Variants in SNED1 observed in about 807,000 individuals in gnomAD.
SNED1 encodes sushi, nidogen and EGF-like domain-containing protein 1.
A neutral mutation model predicts 166.7 loss-of-function variants in SNED1; 81 were observed. That is an observed-to-expected ratio of 0.49 (90% CI 0.41 to 0.58). The LOEUF (loss-of-function observed/expected upper bound fraction) is 0.58, where lower values mean the gene tolerates loss of function less well. Ranked by LOEUF, SNED1 falls within the 20% of genes least tolerant of loss-of-function variation. The pLI, the probability that SNED1 is intolerant of heterozygous loss-of-function variation, is 0.00. For synonymous variants in SNED1, 762 were observed against 822.0 expected, an observed-to-expected ratio of 0.93 and a Z score of 1.25; for missense variants, 1,604 against 2,000.2, an observed-to-expected ratio of 0.80 and a Z score of 3.78.
rs938283704 is a variant in SNED1, at chr2:241,068,810, C to T, written c.3195-101C>T. On this transcript the variant is annotated intron_variant, in intron 22 of 31. Transcript: ENST00000310397. The surrounding 1 kb of genome is among the most constrained non-coding windows in gnomAD (Gnocchi z 5.3). ...TGGGCCACCAGCAGCAGGATGACCTCCCCGCAGTCACCTCCTGCCTGGGGG... is the reference window on the plus strand; with the variant it reads ...TGGGCCACCAGCAGCAGGATGACCTTCCCGCAGTCACCTCCTGCCTGGGGG... 2.6e-6 allele frequency: 2 copies of T among 780,278 alleles called. No individual in the cohort carries two copies. The highest frequency in any genetic ancestry group is 1.7e-5 in the African/African-American group (1 of 57,344). The allele number at this position is 780,278 out of a possible 1,614,324, so 48.3% of individuals were successfully genotyped here. A position where few individuals can be genotyped will look rare whatever the true frequency, so the allele number is the denominator to read the frequency against.
chr2:241,082,192 C>G (rs2063360800), intron 28 of SNED1, 85 bp from the exon 29 acceptor site: 1 of 1,093,832 alleles, frequency 9.1e-7, no homozygotes, highest in Admixed American at 2.0e-5. Flanking sequence ...GACCCCCGGG[C>G]CCTCTCCCTT....
chr2:241,033,178 A>T (rs2061240556), intron 2 of SNED1, among the ~76,000 whole-genome samples: 1 of 152,184 alleles, frequency 6.6e-6, no homozygotes, highest in Non-Finnish European at 1.5e-5. Context: ...CAGGACCCTG[A>T]TCTGATTCTT....
At position 241,068,755 on chromosome 2, in the gene SNED1, G is replaced by C. The variant is rs979117830; in HGVS notation, c.3195-156G>C. 6.6e-6 allele frequency among the ~76,000 whole-genome samples: 1 copy of C among 152,148 alleles called. No homozygotes were observed. The highest frequency in any genetic ancestry group is 1.5e-5 in the Non-Finnish European group (1 of 67,996). On this transcript the variant is annotated intron_variant, in intron 22 of 31. Coordinates refer to ENST00000310397, the MANE Select transcript of SNED1 (RefSeq NM_001080437.3). This position sits in a 1 kb window ranked among gnomAD's most constrained non-coding sequence, Gnocchi z 5.3. ...GCCCTAGGAGCACACGGCTCTGAGGGCCATGAGTCTGCCCCTCGTGGAGGT... is the reference window on the plus strand; with the variant it reads ...GCCCTAGGAGCACACGGCTCTGAGGCCCATGAGTCTGCCCCTCGTGGAGGT...
intron 29 of SNED1, among the ~76,000 whole-genome samples, chr2:241,083,582 G>A (rs899654382): frequency 2.0e-5 from 3 of 152,178 alleles, no homozygotes; most frequent in Admixed American, 6.5e-5. Context: ...TTGGGAAGCC[G>A]TGTTGACAGC....
intron 30 of SNED1, 127 bp downstream of exon 30, chr2:241,087,602 G>T: frequency 6.9e-7 from 1 of 1,448,080 alleles, no homozygotes; most frequent in South Asian, 1.5e-5. Context: ...GCCCAGATAG[G>T]CAGCCCCTGG....
intron 18 of SNED1, 66 bp from the exon 19 acceptor site, chr2:241,063,946 T>A (rs1199617596): frequency 1.3e-5 from 16 of 1,203,328 alleles, no homozygotes; most frequent in Non-Finnish European, 1.9e-5. Flanking sequence ...TTCTTCCCGC[T>A]GTCCTCTCCT....
rs999451373 is a variant in SNED1 at position 241,055,771 on chromosome 2, G to A, written c.2257+2445G>A. ...ACAAATGCATGAGAAGCCAGGGACT[G>A]GTCTGTAAAGCAGAGATAGATTTCA... On this transcript the variant is annotated intron_variant, in intron 16 of 31. Coordinates refer to ENST00000310397, the MANE Select transcript of SNED1 (RefSeq NM_001080437.3). Among the ~76,000 whole-genome samples the A allele has an allele frequency of 2.6e-5, 4 of 152,196 alleles. No homozygotes were observed. The South Asian group carries it at 8.3e-4, about 32-fold the overall frequency.
chr2:241,040,346 T>C lies in SNED1; in HGVS notation c.1206T>C (p.Cys402=), dbSNP rs769253304. The part of the protein sequence containing the change: ...SPDPCLNGGS[C]VDLVGNYTCL... ...ACCCCTGCCTGAATGGAGGCTCTTG[T>C]GTTGACCTAGTGGGGAATTACACCT... is the stretch of plus-strand genomic sequence containing the variant. The change falls in exon 8 of 32, where the codon TGT becomes TGC. Residue 402 remains cysteine, a synonymous_variant. Coordinates refer to ENST00000310397, the MANE Select transcript of SNED1 (RefSeq NM_001080437.3). 1.2e-6 allele frequency: 2 copies of C among 1,609,850 alleles called. No individual in the cohort carries two copies. The highest frequency in any genetic ancestry group is 3.4e-5 in the Admixed American group (2 of 59,502).
chr2:241,048,846 T>G (rs1574982653), intron 10 of SNED1, 80 bp downstream of exon 10: 1 of 1,303,572 alleles, frequency 7.7e-7, no homozygotes, highest in African/African-American at 1.5e-5. Flanking sequence ...TCGGCCGGGG[T>G]CCGTAGGTCC....
At position 241,034,720 on chromosome 2, in the gene SNED1, C is replaced by T. The variant is rs929626608; in HGVS notation, c.795C>T (p.Cys265=). The T allele has an allele frequency of 1.9e-6, 3 of 1,566,526 alleles. No individual in the cohort carries two copies. The highest frequency in any genetic ancestry group is 1.4e-5 in the African/African-American group (1 of 73,902). The change falls in exon 4 of 32, where the codon TGC becomes TGT. Residue 265 remains cysteine, a synonymous_variant. Coordinates refer to ENST00000310397, the MANE Select transcript of SNED1 (RefSeq NM_001080437.3). ...ATGCCCAGGTGCGCGTGGGGGGCTG[C>T]GGCCATACAAGTAAGAGGACAGAGG... ...IDDAQVRVGG[C]GHTTSVCLAL... is the part of the protein sequence containing the mutation.
At chr2:241,052,297 C>A in intron 14 of SNED1, 58 bp from the exon 15 acceptor site, 1 of 1,491,344 alleles carries the variant, frequency 6.7e-7, no homozygotes, top group Non-Finnish European at 9.2e-7. Flanking sequence ...GGATGCCCCA[C>A]ACAGTCCCGA....
chr2:241,007,585 C>T (rs761952866), intron 1 of SNED1, among the ~76,000 whole-genome samples: 6 of 152,212 alleles, frequency 3.9e-5, no homozygotes, highest in Non-Finnish European at 8.8e-5. Flanking sequence ...GATGATATAT[C>T]CGTAATTCCA....
chr2:241,052,498 A>C (rs2061877854), intron 15 of SNED1, 30 bp downstream of exon 15: 1 of 1,512,100 alleles, frequency 6.6e-7, no homozygotes, highest in Non-Finnish European at 9.1e-7. Context: ...CAAGCAGGGT[A>C]CATGGGATAC....
At chr2:241,067,243 A>G (rs1321369059) in intron 21 of SNED1, among the ~76,000 whole-genome samples, 3 of 152,230 alleles carry the variant, frequency 2.0e-5, no homozygotes, top group African/African-American at 4.8e-5. Flanking sequence ...TGCCTGGTGC[A>G]TCAGCAGTGG....
At position 240,998,674 on chromosome 2, in the gene SNED1, G is replaced by A. The variant is rs886614289; in HGVS notation, c.-164G>A. 6.7e-6 allele frequency among the ~76,000 whole-genome samples: 1 copy of A among 149,796 alleles called. No individual in the cohort carries two copies. Among genetic ancestry groups the A allele is most frequent in the South Asian group, 2.1e-4 (1 of 4,830 alleles). ...CTCTGCGGAGCTGCGGCGAGAGCGCGGCCCGGCCGAACGGGCGCGGGACGC... is the reference window on the plus strand; with the variant it reads ...CTCTGCGGAGCTGCGGCGAGAGCGCAGCCCGGCCGAACGGGCGCGGGACGC... On this transcript the variant is annotated 5_prime_UTR_variant, in exon 1 of 32. Transcript: ENST00000310397.
chr2:241,084,557 TC>T (rs2063491213), intron 29 of SNED1, among the ~76,000 whole-genome samples: 2 of 152,316 alleles, frequency 1.3e-5, no homozygotes, highest in Non-Finnish European at 2.9e-5. Context: ...ACATCAAGCT[TC>T]CACTTCCCTC....
Position 241,037,303 on chromosome 2 carries a change from G to C in SNED1, c.995G>C (p.Ser332Thr), listed in dbSNP as rs2061406440. The change falls in exon 6 of 32, where the codon AGT (serine) becomes ACT (threonine). Residue 332 changes from serine to threonine, a missense_variant. Around this residue, in one of 2 missense-constraint regions of SNED1, gnomAD observed 1,237 missense variants for 1,620.8 expected, o/e 0.76. Transcript: ENST00000310397. ...GGGACCTGTACTCACGGCATCAACA[G>C]TTTCCGCTGCCAGTGCCCGGCTGGC... is the stretch of plus-strand genomic sequence containing the variant. ...NGGTCTHGIN[S>T]FRCQCPAGFG... 1.2e-6 allele frequency: 2 copies of C among 1,611,362 alleles called. No individual in the cohort carries two copies. Among genetic ancestry groups the C allele is most frequent in the Non-Finnish European group, 1.7e-6 (2 of 1,179,258 alleles).
chr2:241,058,680 G>A (rs143048585), intron 16 of SNED1, among the ~76,000 whole-genome samples: 1 of 152,254 alleles, frequency 6.6e-6, no homozygotes, highest in African/African-American at 2.4e-5. Context: ...GCCGGGCGCG[G>A]TGGCTCATGC....
rs1252790105 is a variant in SNED1, at chr2:241,064,185, C to T, written c.2599+60C>T. On this transcript the variant is annotated intron_variant, in intron 19 of 31. Coordinates refer to ENST00000310397, the MANE Select transcript of SNED1 (RefSeq NM_001080437.3). This position sits in a 1 kb window ranked among gnomAD's most constrained non-coding sequence, Gnocchi z 7.0. ...GCCCGCCTGCTCCCCGCCCTCTGCC[C>T]GCCTGCTGCCCGCCCTCTGCCCGCC... 73 of 1,198,610 alleles carry T rather than the reference C, an allele frequency of 6.1e-5. No homozygotes were observed. Among genetic ancestry groups the T allele is most frequent in the Non-Finnish European group, 7.1e-5 (61 of 862,142 alleles). 74.2% of individuals were successfully genotyped at this position (1,198,610 alleles called of 1,614,324 possible).
Sources: gnomAD v4.1 joint callset for allele counts (sites outside exome capture counted in the v4.1 genomes callset) on GRCh38, gnomAD v4.1.1 for gene constraint, gnomAD v4.1.1 regional missense constraint, Gnocchi (gnomAD v3.1) non-coding constraint, MANE v1.5 for transcripts, NCBI Gene and HGNC (gene_info 2026-07-23, HGNC 2026-07-21) for gene names.